Variants in PPA1 observed in about 807,000 individuals in gnomAD.
PPA1 encodes the protein inorganic pyrophosphatase 1, also known as inorganic pyrophosphatase.
A neutral mutation model predicts 41.8 loss-of-function variants in PPA1; 23 were observed. The ratio of observed to expected loss-of-function variants is 0.55; its 90% CI spans 0.40 to 0.78. The LOEUF is 0.78. Ranked by LOEUF, PPA1 falls within the 30% of genes least tolerant of loss-of-function variation. The pLI, the probability that PPA1 is intolerant of heterozygous loss-of-function variation, is 0.00. For missense variants in PPA1, 320 were observed against 361.6 expected (o/e 0.89, Z 0.93); for synonymous variants, 101 against 116.8 (o/e 0.86, Z 0.87).
At chr10:70,229,248 AAG>A (rs1840262445) in intron 2 of PPA1, among the ~76,000 whole-genome samples, 2 of 152,216 alleles carry the variant, frequency 1.3e-5, no homozygotes, top group Admixed American at 1.3e-4. Flanking sequence ...AAATAAAACC[AAG>A]AGTCACTGGC....
Position 70,233,417 on chromosome 10 carries a change from C to T in PPA1, c.-90G>A. 3.4e-6 allele frequency: 5 copies of T among 1,474,608 alleles called. No individual in the cohort carries two copies. The South Asian group carries it at 6.5e-5, about 19-fold the overall frequency. 91.3% of individuals were successfully genotyped at this position (1,474,608 alleles called of 1,614,324 possible). ...AAGGAGAGAGCCCCACGCCTGCGCACTGCGAGCACTGGACCGGCGGGCGGG... is the reference window on the plus strand; with the variant it reads ...AAGGAGAGAGCCCCACGCCTGCGCATTGCGAGCACTGGACCGGCGGGCGGG... On this transcript the variant is annotated 5_prime_UTR_variant, in exon 1 of 11. The change creates a new upstream start codon in the 5' untranslated region. Transcript: ENST00000373232.
chr10:70,230,305 G>C lies in PPA1; in HGVS notation c.123+36C>G, dbSNP rs781643507. On this transcript the variant is annotated intron_variant, in intron 2 of 10. Coordinates refer to ENST00000373232, the MANE Select transcript of PPA1 (RefSeq NM_021129.4). ...TCATATGTAGAACTAGCTGATCTGA[G>C]TAAAGAGACTGTGTCCAAAAACAAG... 5 of 1,606,648 alleles carry C rather than the reference G, an allele frequency of 3.1e-6. No homozygotes were observed. The South Asian group carries it at 5.5e-5, about 18-fold the overall frequency.
rs147364288 is a variant in PPA1 at position 70,216,101 on chromosome 10, A to G, written c.298-1515T>C. ...AAGGAAGACCACATCTAACAAATCC[A>G]ACATTAAGAAAGCAAAATCCAACCC... On this transcript the variant is annotated intron_variant, in intron 4 of 10. Transcript: ENST00000373232. 1.0e-2 allele frequency among the ~76,000 whole-genome samples: 1,520 copies of G among 152,340 alleles called. 35 individuals are homozygous for G. The highest frequency in any genetic ancestry group is 0.035 in the African/African-American group (1,448 of 41,568).
chr10:70,230,922 G>A (rs1840284108), intron 1 of PPA1, among the ~76,000 whole-genome samples: 1 of 152,190 alleles, frequency 6.6e-6, no homozygotes. Flanking sequence ...TCTATAGTGA[G>A]AGCAGAGACT....
intron 2 of PPA1, among the ~76,000 whole-genome samples, chr10:70,228,384 T>C (rs1339224177): frequency 1.3e-5 from 2 of 152,130 alleles, no homozygotes; most frequent in South Asian, 2.1e-4. Flanking sequence ...ACTGGGAAAA[T>C]AGCTCTATGT....
chr10:70,222,688 T>C (rs896589042), intron 2 of PPA1, among the ~76,000 whole-genome samples: 5 of 152,136 alleles, frequency 3.3e-5, no homozygotes, highest in Non-Finnish European at 7.4e-5. Context: ...TTTTTTTTAT[T>C]ATTATACTTT....
chr10:70,218,679 C>G, intron 3 of PPA1, 85 bp downstream of exon 3: 1 of 1,077,004 alleles, frequency 9.3e-7, no homozygotes, highest in Non-Finnish European at 1.4e-6. Context: ...CCTTGACGTT[C>G]AGATGGTTCA....
Position 70,203,125 on chromosome 10 carries a change from A to G in PPA1, c.*30T>C. The G allele has an allele frequency of 6.3e-7, 1 of 1,589,392 alleles. No individual in the cohort carries two copies. The highest frequency in any genetic ancestry group is 8.6e-7 in the Non-Finnish European group (1 of 1,159,306). On this transcript the variant is annotated 3_prime_UTR_variant, in exon 11 of 11. Coordinates refer to ENST00000373232, the MANE Select transcript of PPA1 (RefSeq NM_021129.4). ...TACATCCAGATGAACACGATGTAGC[A>G]ATATCAGCTTGTATTCCAGAGAAAT...
At position 70,203,155 on chromosome 10, in the gene PPA1, T is replaced by C; in HGVS notation, c.870A>G (p.Ter290=). The C allele has an allele frequency of 1.2e-6, 2 of 1,608,026 alleles. No individual in the cohort carries two copies. Among genetic ancestry groups the C allele is most frequent in the Non-Finnish European group, 1.7e-6 (2 of 1,175,626 alleles). The stretch of plus-strand genomic sequence containing the variant: ...CAGCTTGTATTCCAGAGAAATCTCA[T>C]TAGTTTTTCTGGTGATGGAACCACT... ...VDKWFHHQKN[*] The change falls in exon 11 of 11, where the codon TAA becomes TAG. Residue 290 remains the stop codon, a stop_retained_variant. Coordinates refer to ENST00000373232, the MANE Select transcript of PPA1 (RefSeq NM_021129.4).
chr10:70,233,285 G>A lies in PPA1; in HGVS notation c.43C>T (p.Leu15=), dbSNP rs1202817621. The change falls in exon 1 of 11, where the codon CTG becomes TTG. Residue 15 remains leucine, a synonymous_variant. Transcript: ENST00000373232. Reference sequence around the variant, plus strand: ...TCACTGAGGAAGACTCGGTACTCCAGGGAGAAGGGCGCGGCGCGCTCCTCG... The same window carrying A: ...TCACTGAGGAAGACTCGGTACTCCAAGGAGAAGGGCGCGGCGCGCTCCTCG... ...STEERAAPFS[L]EYRVFLKNEK... is the part of the protein sequence containing the mutation. 6.5e-7 allele frequency: 1 copy of A among 1,543,390 alleles called. No individual in the cohort carries two copies. Among genetic ancestry groups the A allele is most frequent in the East Asian group, 2.5e-5 (1 of 40,304 alleles).
At chr10:70,221,070 A>T (rs1564584615) in intron 2 of PPA1, among the ~76,000 whole-genome samples, 418 of 16,422 alleles carry the variant, frequency 0.025, 21 homozygotes, top group East Asian at 0.064. Flanking sequence ...ATATATATAT[A>T]TATATATTTT....
chr10:70,231,548 C>T (rs1223972312), intron 1 of PPA1, among the ~76,000 whole-genome samples: 3 of 152,252 alleles, frequency 2.0e-5, no homozygotes, highest in African/African-American at 7.2e-5. Flanking sequence ...GCCTGGGCAA[C>T]AGAGCGAGAC....
At chr10:70,220,846 T>G (rs57021512) in intron 2 of PPA1, among the ~76,000 whole-genome samples, 823 of 39,870 alleles carry the variant, frequency 0.021, 225 homozygotes, top group African/African-American at 0.051. Flanking sequence ...TTTATATATA[T>G]TATATATATA....
chr10:70,221,864 A>T (rs1181065270), intron 2 of PPA1, among the ~76,000 whole-genome samples: 1 of 152,226 alleles, frequency 6.6e-6, no homozygotes, highest in East Asian at 1.9e-4. Flanking sequence ...TATATTGAAC[A>T]CTTTAATAGC....
At chr10:70,233,225 C>A in intron 1 of PPA1, 39 bp downstream of exon 1, 1 of 1,523,594 alleles carries the variant, frequency 6.6e-7, no homozygotes, top group Non-Finnish European at 8.8e-7. Flanking sequence ...AATGAATGGG[C>A]GGACGGGCGC....
At chr10:70,227,951 A>G (rs891493593) in intron 2 of PPA1, among the ~76,000 whole-genome samples, 1 of 152,168 alleles carries the variant, frequency 6.6e-6, no homozygotes, top group Non-Finnish European at 1.5e-5. Context: ...AGTTAATCAG[A>G]TTTTTTTTTT....
rs1053696792 is a variant in PPA1, at chr10:70,213,586, A to T, written c.388T>A (p.Cys130Ser). The change falls in exon 6 of 11, where the codon TGT becomes AGT. Residue 130 changes from cysteine to serine, a missense_variant. By Grantham distance (112) the Cys-to-Ser change is moderately radical. Transcript: ENST00000373232. ...ACGCCAATTATTTCACCTCTTGCAC[A>T]TACCTGAGAGTCAATAGCCAAAGTC... ...IDVCEIGSKVCARGEIIGVKV... is the reference protein window; with the variant it reads ...IDVCEIGSKVSARGEIIGVKV... The T allele has an allele frequency of 3.5e-5, 57 of 1,613,510 alleles. No homozygotes were observed. Among genetic ancestry groups the T allele is most frequent in the Non-Finnish European group, 4.6e-5 (54 of 1,179,736 alleles).
chr10:70,209,368 T>C lies in PPA1; in HGVS notation c.640-78A>G. 4.5e-6 allele frequency: 6 copies of C among 1,345,368 alleles called. No individual in the cohort carries two copies. In the East Asian group the frequency reaches 9.4e-5, roughly 21 times the overall value. 83.3% of individuals were successfully genotyped at this position (1,345,368 alleles called of 1,614,324 possible). Reference sequence around the variant, plus strand: ...TTATCAACATTTCCCCAAAGCCTGATACTTTGTCTCTTCTGAATCATTTCC... The same window carrying C: ...TTATCAACATTTCCCCAAAGCCTGACACTTTGTCTCTTCTGAATCATTTCC... On this transcript the variant is annotated intron_variant, in intron 7 of 10. Transcript: ENST00000373232.
intron 9 of PPA1, chr10:70,205,967 T>C (rs1254194445): frequency 3.5e-5 from 10 of 285,558 alleles, no homozygotes; most frequent in Non-Finnish European, 6.0e-5. Flanking sequence ...AAATGGCTTA[T>C]GATGGGTCAT....
Sources: allele counts gnomAD v4.1 joint callset (sites outside exome capture counted in the v4.1 genomes callset), GRCh38; gene constraint gnomAD v4.1.1; transcripts MANE v1.5; gene names NCBI Gene and HGNC (gene_info 2026-07-23, HGNC 2026-07-21).